Variants in SYNPO observed in about 807,000 individuals in gnomAD.
The protein encoded by SYNPO is synaptopodin.
In SYNPO, 19 loss-of-function variants were observed where a neutral mutation model predicts 49.5. The ratio of observed to expected loss-of-function variants is 0.38; its 90% CI spans 0.27 to 0.56. The LOEUF is 0.56. SYNPO is among the 20% of genes least tolerant of loss of function. The pLI, the probability that SYNPO is intolerant of heterozygous loss-of-function variation, is 0.68. For missense variants in SYNPO, 1,131 were observed against 1,248.3 expected (o/e 0.91, Z 1.42); for synonymous variants, 536 against 548.0 (o/e 0.98, Z 0.31).
At chr5:150,613,031 T>G (rs33413) in intron 1 of SYNPO, among the ~76,000 whole-genome samples, 81,105 of 152,062 alleles carry the variant, frequency 0.53, 22,022 homozygotes, top group East Asian at 0.81. Flanking sequence ...ATCTCACCTT[T>G]GCCTCCCAAA....
Position 150,656,563 on chromosome 5 carries a change from C to T in SYNPO, c.2188C>T (p.Pro730Ser). Residue 730 changes from proline (P) to serine (S), a missense_variant, in exon 3 of 3, where the codon CCC becomes TCC. This residue lies in a region of SYNPO where 509 missense variants were observed against 484.5 expected (regional missense o/e 1.05). Coordinates refer to ENST00000307662, the MANE Select transcript of SYNPO (RefSeq NM_007286.6). ...GCTGCCGCCGCCACCGCCCATGTCT[C>T]CCTCGTGGAGCGAGCGCTCGGTGTC... The part of the protein sequence containing the change: ...PPLPPPPPMS[P>S]SWSERSVSPL... 1 of 1,527,790 alleles carries T rather than the reference C, an allele frequency of 6.5e-7. No individual in the cohort carries two copies. The highest frequency in any genetic ancestry group is 8.7e-7 in the Non-Finnish European group (1 of 1,143,920). 94.6% of individuals were successfully genotyped at this position (1,527,790 alleles called of 1,614,324 possible).
At chr5:150,604,950 G>T (rs980229170) in intron 1 of SYNPO, among the ~76,000 whole-genome samples, 1 of 152,108 alleles carries the variant, frequency 6.6e-6, no homozygotes, top group African/African-American at 2.4e-5. Flanking sequence ...GCTCCCCATG[G>T]CTCCATAACT....
upstream of SYNPO, among the ~76,000 whole-genome samples, chr5:150,599,920 C>T: frequency 6.6e-6 from 1 of 152,134 alleles, no homozygotes; most frequent in East Asian, 1.9e-4. Flanking sequence ...GGAACTGAGG[C>T]CACCTCCGGA....
rs1387536598 is a variant in SYNPO, at chr5:150,648,076, G to A, written c.-200G>A. The A allele has an allele frequency of 3.2e-5, 50 of 1,551,634 alleles. No homozygotes were observed. Among genetic ancestry groups the A allele is most frequent in the East Asian group, 9.8e-5 (4 of 40,974 alleles). On this transcript the variant is annotated 5_prime_UTR_variant, in exon 2 of 3. Coordinates refer to ENST00000307662, the MANE Select transcript of SYNPO (RefSeq NM_007286.6). This position sits in a 1 kb window ranked among gnomAD's most constrained non-coding sequence, Gnocchi z 5.0. Reference sequence around the variant, plus strand: ...GGCGTCCAGCTCTTCAACAGGCGCCGGCAGAGGGTGAACGAGTTCACCTTG... The same window carrying A: ...GGCGTCCAGCTCTTCAACAGGCGCCAGCAGAGGGTGAACGAGTTCACCTTG...
At chr5:150,611,660 C>T (rs1234182354) in intron 1 of SYNPO, among the ~76,000 whole-genome samples, 1 of 152,096 alleles carries the variant, frequency 6.6e-6, no homozygotes, top group African/African-American at 2.4e-5. Context: ...GTAGGCTGGG[C>T]GGTTGGGATG....
chr5:150,620,921 C>CTTTCTT (rs1757142599), intron 2 of SYNPO, among the ~76,000 whole-genome samples: 1 of 129,114 alleles, frequency 7.7e-6, no homozygotes, highest in Non-Finnish European at 1.6e-5. Flanking sequence ...TTCTTTCTTT[C>CTTTCTT]TTTCTTTCTT....
In SYNPO at chr5:150,657,104, C is replaced by G; in HGVS notation, c.*17C>G. 1 of 1,549,466 alleles carries G rather than the reference C, an allele frequency of 6.5e-7. No homozygotes were observed. Among genetic ancestry groups the G allele is most frequent in the African/African-American group, 1.4e-5 (1 of 73,662 alleles). On this transcript the variant is annotated 3_prime_UTR_variant, in exon 3 of 3. Coordinates refer to ENST00000307662, the MANE Select transcript of SYNPO (RefSeq NM_007286.6). ...ACCACCTAGAGCCCCACCCCCGACC[C>G]CACCCCGGGAGGGCAGAGCCAGAAG...
In SYNPO at chr5:150,648,216, C is replaced by T; in HGVS notation, c.-60C>T. ...CCTGAGTTCCACCTCGCTGCCGGAG[C>T]CAGGCCCTCCACGGCACCCCAGTCC... On this transcript the variant is annotated 5_prime_UTR_variant, in exon 2 of 3. Transcript: ENST00000307662. The surrounding 1 kb of genome is among the most constrained non-coding windows in gnomAD (Gnocchi z 5.0). 1 of 1,607,638 alleles carries T rather than the reference C, an allele frequency of 6.2e-7. No individual in the cohort carries two copies. The highest frequency in any genetic ancestry group is 8.5e-7 in the Non-Finnish European group (1 of 1,176,816).
In SYNPO at chr5:150,656,737, G is replaced by GCGCCCCCGCCCC. The variant is rs1295407232; in HGVS notation, c.2366_2367insCCCGCCCCCGCC (p.Pro797_Pro800dup). The GCGCCCCCGCCCC allele has an allele frequency of 1.1e-4, 135 of 1,285,232 alleles. No homozygotes were observed. The African/African-American group carries it at 1.1e-3, about 10-fold the overall frequency. 79.6% of individuals were successfully genotyped at this position (1,285,232 alleles called of 1,614,324 possible). On this transcript the variant is annotated inframe_insertion, in exon 3 of 3. Coordinates refer to ENST00000307662, the MANE Select transcript of SYNPO (RefSeq NM_007286.6). ...CCCGCGGCCCTTCTCCCCGCCGAGGGCGCCACCGCCCCCGCCCCCGCCCCC... is the reference window on the plus strand; with the variant it reads ...CCCGCGGCCCTTCTCCCCGCCGAGGGCGCCCCCGCCCCCGCCACCGCCCCCGCCCCCGCCCCC...
At chr5:150,601,928 A>G (rs906874537) in intron 1 of SYNPO, among the ~76,000 whole-genome samples, 1 of 152,188 alleles carries the variant, frequency 6.6e-6, no homozygotes. Context: ...CGGCTCCCAC[A>G]TCTGTTTTCA....
intron 1 of SYNPO, among the ~76,000 whole-genome samples, chr5:150,642,239 C>G (rs1757935308): frequency 6.6e-6 from 1 of 152,342 alleles, no homozygotes; most frequent in Admixed American, 6.5e-5. Context: ...GCCTACTCCC[C>G]CACTTCAGGA....
intron 1 of SYNPO, among the ~76,000 whole-genome samples, chr5:150,607,997 C>T (rs1756741110): frequency 6.6e-6 from 1 of 152,236 alleles, no homozygotes; most frequent in Non-Finnish European, 1.5e-5. Context: ...TTCAAGTGCT[C>T]AGTAGTGCAT....
At chr5:150,596,258 C>A (rs371365211), upstream of SYNPO, among the ~76,000 whole-genome samples, 10 of 152,134 alleles carry the variant, frequency 6.6e-5, no homozygotes, top group Non-Finnish European at 1.3e-4. Flanking sequence ...CTAAACACCC[C>A]CAGAGAAGAG....
chr5:150,657,102 C>T lies in SYNPO; in HGVS notation c.*15C>T. 1 of 1,523,264 alleles carries T rather than the reference C, an allele frequency of 6.6e-7. No homozygotes were observed. Among genetic ancestry groups the T allele is most frequent in the African/African-American group, 1.4e-5 (1 of 72,996 alleles). The allele number at this position is 1,523,264 out of a possible 1,614,324, so 94.4% of individuals were successfully genotyped here. A position where few individuals can be genotyped will look rare whatever the true frequency, so the allele number is the denominator to read the frequency against. The stretch of plus-strand genomic sequence containing the variant: ...GCACCACCTAGAGCCCCACCCCCGA[C>T]CCCACCCCGGGAGGGCAGAGCCAGA... On this transcript the variant is annotated 3_prime_UTR_variant, in exon 3 of 3. Transcript: ENST00000307662.
chr5:150,605,469 G>A (rs1756664994), intron 1 of SYNPO, among the ~76,000 whole-genome samples: 1 of 151,996 alleles, frequency 6.6e-6, no homozygotes. Context: ...GGATCAATGT[G>A]GCAACAAGGC....
chr5:150,602,017 AG>A (rs1489401206), intron 1 of SYNPO, among the ~76,000 whole-genome samples: 2 of 152,176 alleles, frequency 1.3e-5, no homozygotes, highest in Non-Finnish European at 2.9e-5. Context: ...AGCCTGAGTG[AG>A]GGACAGCTTC....
intron 1 of SYNPO, among the ~76,000 whole-genome samples, chr5:150,608,850 C>T (rs183293705): frequency 5.6e-4 from 85 of 152,290 alleles, no homozygotes; most frequent in Non-Finnish European, 7.1e-4. Context: ...TGGGAATTGC[C>T]ATGCTAACCC....
Position 150,609,677 on chromosome 5 carries a change from A to G in SYNPO, c.-265-8426A>G, listed in dbSNP as rs1756790332. On this transcript the variant is annotated intron_variant, in intron 1 of 2. Transcript: ENST00000394243. ...GAGCCCCAATGTATGCAACAGATAAAAAGCAGTATGTTATCAGCATAAGTT... is the reference window on the plus strand; with the variant it reads ...GAGCCCCAATGTATGCAACAGATAAGAAGCAGTATGTTATCAGCATAAGTT... Among the ~76,000 whole-genome samples, 3 of 152,246 alleles carry G rather than the reference A, an allele frequency of 2.0e-5. No individual in the cohort carries two copies. The South Asian group carries it at 6.2e-4, about 32-fold the overall frequency.
intron 2 of SYNPO, chr5:150,651,274 G>GCCCC: frequency 1.0e-6 from 1 of 1,001,404 alleles, no homozygotes; most frequent in Non-Finnish European, 1.2e-6. Flanking sequence ...GGGCCCAGGG[G>GCCCC]GAGGCAGGAG....
Sources: allele counts gnomAD v4.1 joint callset (sites outside exome capture counted in the v4.1 genomes callset), GRCh38; gene constraint gnomAD v4.1.1; regional missense constraint gnomAD v4.1.1; non-coding constraint Gnocchi (gnomAD v3.1); transcripts MANE v1.5; gene names NCBI Gene and HGNC (gene_info 2026-07-23, HGNC 2026-07-21).